The following GIGYF2 variants were observed in gnomAD, a reference collection of about 807,000 sequenced individuals.
The protein encoded by GIGYF2 is GRB10 interacting GYF protein 2, also known as GRB10-interacting GYF protein 2.
Under a neutral mutation model 208.1 loss-of-function variants are expected in GIGYF2, and 25 were observed. The ratio of observed to expected loss-of-function variants is 0.12; its 90% confidence interval spans 0.09 to 0.17. The LOEUF is 0.17. Ranked by LOEUF, GIGYF2 falls within the 10% of genes least tolerant of loss-of-function variation. The probability of loss-of-function intolerance (pLI) is 1.00; values close to 1 mark genes in which losing one functional copy is unlikely to be tolerated. For synonymous variants in GIGYF2, 534 were observed against 543.8 expected (o/e 0.98, Z 0.25); for missense variants, 1,302 against 1,579.4 (o/e 0.82, Z 2.98).
At chr2:232,852,027 A>G (rs948611050) in intron 28 of GIGYF2, among the ~76,000 whole-genome samples, 1 of 152,216 alleles carries the variant, frequency 6.6e-6, no homozygotes, top group Non-Finnish European at 1.5e-5. Context: ...TTGCTGTGAA[A>G]TGATAAGCAG....
At chr2:232,750,637 A>G (rs573566383) in intron 5 of GIGYF2, among the ~76,000 whole-genome samples, 1 of 151,412 alleles carries the variant, frequency 6.6e-6, no homozygotes, top group East Asian at 1.9e-4. Context: ...TTTATTCATC[A>G]TTTATATTTC....
chr2:232,783,035 G>A lies in GIGYF2; in HGVS notation c.533-4115G>A, dbSNP rs115744029. Among the ~76,000 whole-genome samples, 782 of 152,300 alleles carry A rather than the reference G, an allele frequency of 5.1e-3. 4 individuals are homozygous for A. Among genetic ancestry groups the A allele is most frequent in the African/African-American group, 0.018 (757 of 41,564 alleles). On this transcript the variant is annotated intron_variant, in intron 8 of 28. Coordinates refer to ENST00000373563, the MANE Select transcript of GIGYF2 (RefSeq NM_001103146.3). Reference sequence around the variant, plus strand: ...TTAAAGAGGTGGGGAGATGAGTGAAGTCCATTTTAAAAGTTCTTGAGGTCT... The same window carrying A: ...TTAAAGAGGTGGGGAGATGAGTGAAATCCATTTTAAAAGTTCTTGAGGTCT...
At chr2:232,720,585 T>TATA (rs772814342) in intron 2 of GIGYF2, among the ~76,000 whole-genome samples, 1,922 of 126,322 alleles carry the variant, frequency 0.015, 35 homozygotes, top group African/African-American at 0.026. Context: ...ATATATATAT[T>TATA]TTTGTTTGTT....
At chr2:232,727,045 G>C (rs1221404919) in intron 2 of GIGYF2, among the ~76,000 whole-genome samples, 1 of 152,114 alleles carries the variant, frequency 6.6e-6, no homozygotes, top group African/African-American at 2.4e-5. Context: ...GCTCACTGTA[G>C]CCTCTGCCTC....
intron 14 of GIGYF2, among the ~76,000 whole-genome samples, chr2:232,800,880 G>A (rs112758485): frequency 5.7e-4 from 86 of 152,140 alleles, no homozygotes; most frequent in African/African-American, 1.7e-3. Context: ...GTGAGACCCT[G>A]TCTCTCGCTT....
chr2:232,759,409 G>C (rs985572392), intron 6 of GIGYF2, among the ~76,000 whole-genome samples: 1 of 146,800 alleles, frequency 6.8e-6, no homozygotes, highest in Non-Finnish European at 1.5e-5. Flanking sequence ...ACAAATGTTT[G>C]TTGGGAAAAC....
At chr2:232,803,513 G>C (rs13396129) in intron 14 of GIGYF2, among the ~76,000 whole-genome samples, 1 of 151,934 alleles carries the variant, frequency 6.6e-6, no homozygotes, top group East Asian at 1.9e-4. Flanking sequence ...TTTCATATAA[G>C]CTAGTTGTTT....
rs61571808 is a variant in GIGYF2 at position 232,750,731 on chromosome 2, CTG to C, written c.267+1677_267+1678del. On this transcript the variant is annotated intron_variant, in intron 5 of 28. Transcript: ENST00000373563. ...TTGATTTATGCTATTTATATGAGCTCTGTGTGTGTGTGTGTGTGTGTGTGTGT... is the reference window on the plus strand; with the variant it reads ...TTGATTTATGCTATTTATATGAGCTCTGTGTGTGTGTGTGTGTGTGTGTGT... 8.6e-3 allele frequency among the ~76,000 whole-genome samples: 1,263 copies of C among 147,180 alleles called. 9 individuals are homozygous for C. The highest frequency in any genetic ancestry group is 0.024 in the African/African-American group (945 of 39,950).
chr2:232,753,108 T>C (rs1296769240), intron 5 of GIGYF2, among the ~76,000 whole-genome samples: 1 of 148,670 alleles, frequency 6.7e-6, no homozygotes, highest in Non-Finnish European at 1.5e-5. Flanking sequence ...TATTTATTTA[T>C]TTATTTATTT....
intron 21 of GIGYF2, among the ~76,000 whole-genome samples, chr2:232,826,577 A>G (rs565589825): frequency 3.3e-4 from 50 of 152,344 alleles, no homozygotes; most frequent in Non-Finnish European, 4.3e-4. Flanking sequence ...AAAAGAAACT[A>G]TCATCAGAGT....
Position 232,762,510 on chromosome 2 carries a change from C to G in GIGYF2, c.532+1074C>G, listed in dbSNP as rs148318657. ...TCGTGATCCACCCGCCTCAGCCTCC[C>G]AAAATGCTGGAATTACAGGCATGAG... On this transcript the variant is annotated intron_variant, in intron 8 of 28. Coordinates refer to ENST00000373563, the MANE Select transcript of GIGYF2 (RefSeq NM_001103146.3). Among the ~76,000 whole-genome samples the G allele has an allele frequency of 4.3e-3, 653 of 152,180 alleles. 8 individuals are homozygous for G. Among genetic ancestry groups the G allele is most frequent in the African/African-American group, 0.015 (612 of 41,534 alleles).
Position 232,844,513 on chromosome 2 carries a change from G to A in GIGYF2, c.3244G>A (p.Ala1082Thr). Residue 1082 changes from alanine to threonine, a missense_variant, in exon 25 of 29, where the codon GCA (alanine) becomes ACA (threonine). This residue lies in a region of GIGYF2 where 701 missense variants were observed against 793.0 expected (regional missense o/e 0.88). Coordinates refer to ENST00000373563, the MANE Select transcript of GIGYF2 (RefSeq NM_001103146.3). ...CTCCAACATGGGATTCTGGGATGAT[G>A]CAGTGAAAGAGGTGGGACCTAGGAA... Reference protein sequence around the residue: ...KNSNMGFWDDAVKEVGPRNST... With the variant: ...KNSNMGFWDDTVKEVGPRNST... 1 of 1,613,928 alleles carries A rather than the reference G, an allele frequency of 6.2e-7. No homozygotes were observed.
At chr2:232,843,530 T>C (rs1187651899) in intron 23 of GIGYF2, among the ~76,000 whole-genome samples, 4 of 144,168 alleles carry the variant, frequency 2.8e-5, no homozygotes, top group Non-Finnish European at 4.5e-5. Flanking sequence ...GCCATTGCAC[T>C]CCAGTCTGGG....
chr2:232,857,366 G>T lies in GIGYF2; in HGVS notation c.*506G>T. ...TGGACTGTGACTCGAGTATCCAACA[G>T]GCAGTCAGAGCTCTCCCGGTCTGAA... is the stretch of plus-strand genomic sequence containing the variant. On this transcript the variant is annotated 3_prime_UTR_variant, in exon 29 of 29. Transcript: ENST00000373563. 1 of 184,762 alleles carries T rather than the reference G, an allele frequency of 5.4e-6. No individual in the cohort carries two copies. Among genetic ancestry groups the T allele is most frequent in the Non-Finnish European group, 1.1e-5 (1 of 87,372 alleles). The allele number at this position is 184,762 out of a possible 1,614,324, so 11.4% of individuals were successfully genotyped here.
intron 22 of GIGYF2, 58 bp downstream of exon 22, chr2:232,833,151 G>T (rs767924673): frequency 1.8e-6 from 2 of 1,090,224 alleles, no homozygotes; most frequent in Non-Finnish European, 2.8e-6. Flanking sequence ...AGTTAGGTAG[G>T]TGCTGGCTGT....
chr2:232,844,254 C>T lies in GIGYF2; in HGVS notation c.3098C>T (p.Thr1033Met), dbSNP rs773257123. Residue 1033 changes from threonine to methionine, a missense_variant and splice_region_variant, in exon 24 of 29, where the codon ACG becomes ATG. By Grantham distance (81) the Thr-to-Met change is moderately conservative. Transcript: ENST00000373563. ...HQQPNRARNN[T>M]HSNLHTSIGN... is the part of the protein sequence containing the mutation. ...CAACCAAACAGAGCTCGTAACAATA[C>T]GGTGTGTGCATTTTCCTAAGCTGTC... The T allele has an allele frequency of 1.3e-5, 20 of 1,585,174 alleles. No individual in the cohort carries two copies. The highest frequency in any genetic ancestry group is 8.1e-5 in the African/African-American group (6 of 74,118).
Position 232,760,598 on chromosome 2 carries a change from G to A in GIGYF2, c.491+7G>A, listed in dbSNP as rs1244133124. ...CGCAGAGCTGGGAGGAAAGGTAACT[G>A]GATCCACATATTGGCATAAAAATTT... On this transcript the variant is annotated splice_region_variant and intron_variant, in intron 7 of 28. Transcript: ENST00000373563. 1.9e-6 allele frequency: 3 copies of A among 1,559,146 alleles called. No individual in the cohort carries two copies. The highest frequency in any genetic ancestry group is 1.1e-5 in the South Asian group (1 of 89,982).
rs772329921 is a variant in GIGYF2 at position 232,770,958 on chromosome 2, G to T, written c.532+9522G>T. On this transcript the variant is annotated intron_variant, in intron 8 of 28. Transcript: ENST00000373563. ...GGAGCATTTGTATGGCAAGTAAGGC[G>T]ATTGCACTTGGACAGTCACCACTGG... is the stretch of plus-strand genomic sequence containing the variant. The T allele has an allele frequency of 6.2e-7, 1 of 1,614,008 alleles. No individual in the cohort carries two copies. Among genetic ancestry groups the T allele is most frequent in the Non-Finnish European group, 8.5e-7 (1 of 1,179,946 alleles).
intron 12 of GIGYF2, among the ~76,000 whole-genome samples, chr2:232,792,252 C>T (rs962332776): frequency 1.7e-4 from 26 of 152,138 alleles, no homozygotes; most frequent in Non-Finnish European, 2.6e-4. Context: ...CTCTCTTCCA[C>T]CCAAAGCCCC....
Sources: gnomAD v4.1 joint callset for allele counts (sites outside exome capture counted in the v4.1 genomes callset) on GRCh38, gnomAD v4.1.1 for gene constraint, gnomAD v4.1.1 regional missense constraint, MANE v1.5 for transcripts, NCBI Gene and HGNC (gene_info 2026-07-23, HGNC 2026-07-21) for gene names.